The following PHACTR1 variants were observed in gnomAD, a reference collection of about 807,000 sequenced individuals.
PHACTR1 encodes phosphatase and actin regulator 1.
A neutral mutation model predicts 69.2 loss-of-function variants in PHACTR1; 16 were observed. The observed-to-expected ratio is 0.23, with a 90% CI of 0.16 to 0.35. The LOEUF is 0.35. PHACTR1 is among the 10% of genes least tolerant of loss of function. The pLI is 1.00. For synonymous variants in PHACTR1, 312 were observed against 284.5 expected (o/e 1.10, Z -0.97); for missense variants, 510 against 734.7 (o/e 0.69, Z 3.54).
Position 13,010,188 on chromosome 6 carries a change from C to T in PHACTR1, c.251-43177C>T, listed in dbSNP as rs57638569. Among the ~76,000 whole-genome samples, 518 of 152,206 alleles carry T rather than the reference C, an allele frequency of 3.4e-3. 3 individuals carry two copies. The highest frequency in any genetic ancestry group is 0.012 in the African/African-American group (492 of 41,530). Reference sequence around the variant, plus strand: ...TGTTGCCCAGGCAGGAGTGCAATGGCGTGATCTCGGCTCACTGCAATGTCT... The same window carrying T: ...TGTTGCCCAGGCAGGAGTGCAATGGTGTGATCTCGGCTCACTGCAATGTCT... On this transcript the variant is annotated intron_variant, in intron 4 of 14. Transcript: ENST00000332995.
intron 5 of PHACTR1, among the ~76,000 whole-genome samples, chr6:13,089,662 A>G (rs979881597): frequency 2.0e-5 from 3 of 152,206 alleles, no homozygotes; most frequent in Admixed American, 2.0e-4. Context: ...GCGTTAGACA[A>G]TTAATAGAAA....
At chr6:13,248,487 CAT>C (rs775209901) in intron 10 of PHACTR1, among the ~76,000 whole-genome samples, 201 of 152,110 alleles carry the variant, frequency 1.3e-3, no homozygotes, top group Non-Finnish European at 2.1e-3. Flanking sequence ...TTCTATGGAA[CAT>C]GTTTTGAACT....
At chr6:12,975,592 CTTTTA>C (rs760081483) in intron 4 of PHACTR1, among the ~76,000 whole-genome samples, 20 of 152,040 alleles carry the variant, frequency 1.3e-4, no homozygotes, top group Non-Finnish European at 2.5e-4. Context: ...TCTTTCTTTT[CTTTTA>C]TGAGACAGGG....
At chr6:13,184,024 T>A (rs759895714) in intron 7 of PHACTR1, among the ~76,000 whole-genome samples, 1 of 152,160 alleles carries the variant, frequency 6.6e-6, no homozygotes, top group Non-Finnish European at 1.5e-5. Flanking sequence ...ATAGTTGTGG[T>A]GAGCAAGAAG....
intron 4 of PHACTR1, among the ~76,000 whole-genome samples, chr6:12,855,463 A>C (rs1053811431): frequency 9.9e-5 from 15 of 152,242 alleles, no homozygotes; most frequent in African/African-American, 3.1e-4. Flanking sequence ...ATGAGACAAA[A>C]AACAAACCCT....
intron 4 of PHACTR1, among the ~76,000 whole-genome samples, chr6:12,907,559 A>G (rs1446505995): frequency 1.3e-5 from 2 of 152,238 alleles, no homozygotes; most frequent in Admixed American, 1.3e-4. Context: ...TAGAAATTTC[A>G]TTAATTTTTC....
In PHACTR1 at chr6:13,286,976, G is replaced by A; in HGVS notation, c.1728-87G>A. Reference sequence around the variant, plus strand: ...GCTCGCACCTCCCTCTCACGGTCAAGAACCTCCCTGAAGATGGGAGATTGG... The same window carrying A: ...GCTCGCACCTCCCTCTCACGGTCAAAAACCTCCCTGAAGATGGGAGATTGG... On this transcript the variant is annotated intron_variant, in intron 14 of 14. Transcript: ENST00000332995. 3 of 1,444,188 alleles carry A rather than the reference G, an allele frequency of 2.1e-6. No homozygotes were observed. The South Asian group carries it at 3.7e-5, about 18-fold the overall frequency. The allele number at this position is 1,444,188 out of a possible 1,614,324, so 89.5% of individuals were successfully genotyped here.
intron 4 of PHACTR1, among the ~76,000 whole-genome samples, chr6:12,997,331 TTA>T (rs1293429051): frequency 3.4e-5 from 5 of 147,808 alleles, no homozygotes; most frequent in Non-Finnish European, 6.0e-5. Context: ...TAAATATATT[TTA>T]TATATATAAG....
intron 4 of PHACTR1, among the ~76,000 whole-genome samples, chr6:12,826,873 C>A (rs563483822): frequency 6.6e-6 from 1 of 152,316 alleles, no homozygotes; most frequent in African/African-American, 2.4e-5. Flanking sequence ...CCACGACACC[C>A]TGACTGACTG....
intron 4 of PHACTR1, among the ~76,000 whole-genome samples, chr6:12,927,372 G>A (rs1333818038): frequency 1.3e-5 from 2 of 151,914 alleles, no homozygotes; most frequent in East Asian, 1.9e-4. Context: ...TTCTTGCATG[G>A]GCTTGCAAAG....
intron 4 of PHACTR1, among the ~76,000 whole-genome samples, chr6:12,827,987 CCTT>C (rs1310648849): frequency 6.6e-6 from 1 of 152,044 alleles, no homozygotes; most frequent in Non-Finnish European, 1.5e-5. Context: ...TGTTTAACAT[CCTT>C]CTTTTTCAGT....
intron 4 of PHACTR1, among the ~76,000 whole-genome samples, chr6:12,831,696 A>C (rs989581621): frequency 2.0e-5 from 3 of 152,220 alleles, no homozygotes; most frequent in Non-Finnish European, 4.4e-5. Flanking sequence ...GATGTGATTT[A>C]GAACCACCTA....
chr6:12,934,842 A>AC (rs1037048867), intron 4 of PHACTR1, among the ~76,000 whole-genome samples: 6 of 151,994 alleles, frequency 3.9e-5, no homozygotes, highest in African/African-American at 1.5e-4. Flanking sequence ...TCTCAAAAAA[A>AC]AAAACAAAAA....
chr6:12,890,571 G>A (rs1275580819), intron 4 of PHACTR1, among the ~76,000 whole-genome samples: 1 of 152,104 alleles, frequency 6.6e-6, no homozygotes, highest in Non-Finnish European at 1.5e-5. Flanking sequence ...GGGCCACCTT[G>A]TTCCTGAACA....
intron 4 of PHACTR1, among the ~76,000 whole-genome samples, chr6:12,986,200 G>A (rs992917141): frequency 5.9e-5 from 9 of 152,164 alleles, no homozygotes; most frequent in African/African-American, 1.9e-4. Context: ...AGGAGCAGGG[G>A]TGGGTAGAGA....
chr6:12,837,493 C>T (rs1440149827), intron 4 of PHACTR1, among the ~76,000 whole-genome samples: 1 of 152,070 alleles, frequency 6.6e-6, no homozygotes, highest in Non-Finnish European at 1.5e-5. Flanking sequence ...CCTATTAGTT[C>T]CAATGTAATG....
intron 5 of PHACTR1, among the ~76,000 whole-genome samples, chr6:13,132,728 CT>C (rs11318483): frequency 0.51 from 75,714 of 148,312 alleles, 19,887 homozygotes; most frequent in East Asian, 0.69. Context: ...TACCGTATTG[CT>C]AAAAAAAAAA....
At chr6:13,077,529 CA>C (rs1810712561) in intron 5 of PHACTR1, among the ~76,000 whole-genome samples, 1 of 152,186 alleles carries the variant, frequency 6.6e-6, no homozygotes, top group Non-Finnish European at 1.5e-5. Context: ...TCAGTTGGAT[CA>C]GGGGTTATAA....
At chr6:13,103,473 T>C (rs1166324719) in intron 5 of PHACTR1, among the ~76,000 whole-genome samples, 1 of 152,224 alleles carries the variant, frequency 6.6e-6, no homozygotes, top group East Asian at 1.9e-4. Flanking sequence ...AAATAACAGA[T>C]GTTAAAATTT....
Sources: allele counts gnomAD v4.1 joint callset (sites outside exome capture counted in the v4.1 genomes callset), GRCh38; gene constraint gnomAD v4.1.1; transcripts MANE v1.5; gene names NCBI Gene and HGNC (gene_info 2026-07-23, HGNC 2026-07-21).